IPCEF1: variants seen among roughly 807,000 people sequenced by gnomAD.
IPCEF1 encodes interaction protein for cytohesin exchange factors 1.
IPCEF1 carries 31 observed loss-of-function variants against 50.9 expected under a neutral mutation model. The ratio of observed to expected loss-of-function variants is 0.61; its 90% CI spans 0.46 to 0.82. IPCEF1 has a LOEUF of 0.82. Ranked by LOEUF, IPCEF1 falls within the 40% of genes least tolerant of loss-of-function variation. The pLI, the probability that IPCEF1 is intolerant of heterozygous loss-of-function variation, is 0.00. For synonymous variants in IPCEF1, 181 were observed against 192.0 expected, an observed-to-expected ratio of 0.94 and a Z score of 0.47; for missense variants, 458 against 514.0, an observed-to-expected ratio of 0.89 and a Z score of 1.05.
intron 10 of IPCEF1, among the ~76,000 whole-genome samples, chr6:154,185,139 C>T (rs1475375894): frequency 1.3e-5 from 2 of 152,158 alleles, no homozygotes; most frequent in Non-Finnish European, 2.9e-5. Context: ...TTATTGTCCC[C>T]TGAGCCTCTT....
At chr6:154,228,169 A>G (rs1779417585) in intron 5 of IPCEF1, among the ~76,000 whole-genome samples, 1 of 151,876 alleles carries the variant, frequency 6.6e-6, no homozygotes. Context: ...ACTTTCTAAA[A>G]AGTTTCCTGC....
intron 3 of IPCEF1, among the ~76,000 whole-genome samples, chr6:154,265,706 T>C (rs1488569077): frequency 6.6e-6 from 1 of 152,196 alleles, no homozygotes; most frequent in Non-Finnish European, 1.5e-5. Context: ...GGTATGCAGC[T>C]TAAACTTTAA....
In IPCEF1 at chr6:154,157,185, T is replaced by A. The variant is rs1435004905; in HGVS notation, c.*2643A>T. 6.6e-6 allele frequency: 1 copy of A among 152,274 alleles called. No individual in the cohort carries two copies. The highest frequency in any genetic ancestry group is 1.5e-5 in the Non-Finnish European group (1 of 68,078). The allele number at this position is 152,274 out of a possible 1,614,324, so 9.4% of individuals were successfully genotyped here. On this transcript the variant is annotated 3_prime_UTR_variant, in exon 12 of 12. Coordinates refer to ENST00000367220, the MANE Select transcript of IPCEF1 (RefSeq NM_001130700.2). Reference sequence around the variant, plus strand: ...GAGAGAAGCCCATGTCTTCCTACATTAAGTGTCACGGAAAGTGTCACCCAC... The same window carrying A: ...GAGAGAAGCCCATGTCTTCCTACATAAAGTGTCACGGAAAGTGTCACCCAC...
At position 154,331,198 on chromosome 6, in the gene IPCEF1, T is replaced by C. The variant is rs138982906; in HGVS notation, c.-62+25474A>G. ...AGGAGAATTCCTTGAACCCGGGAAG[T>C]GGAGGCTGCAGTAAGCTGAGGGTCA... On this transcript the variant is annotated intron_variant, in intron 1 of 11. Coordinates refer to ENST00000367220, the MANE Select transcript of IPCEF1 (RefSeq NM_001130700.2). 5.9e-3 allele frequency among the ~76,000 whole-genome samples: 897 copies of C among 151,582 alleles called. 6 individuals carry two copies. The highest frequency in any genetic ancestry group is 0.02 in the African/African-American group (831 of 41,252).
chr6:154,158,627 T>C lies in IPCEF1; in HGVS notation c.*1201A>G, dbSNP rs2128545134. The stretch of plus-strand genomic sequence containing the variant: ...AATTATGAATGCATGCCCCATTTTT[T>C]TCCCACAAGATTTCCTGAGCATTCC... On this transcript the variant is annotated 3_prime_UTR_variant, in exon 12 of 12. Coordinates refer to ENST00000367220, the MANE Select transcript of IPCEF1 (RefSeq NM_001130700.2). 1 of 152,324 alleles carries C rather than the reference T, an allele frequency of 6.6e-6. No individual in the cohort carries two copies. Among genetic ancestry groups the C allele is most frequent in the Non-Finnish European group, 1.5e-5 (1 of 68,024 alleles). 9.4% of individuals were successfully genotyped at this position (152,324 alleles called of 1,614,324 possible).
At chr6:154,240,606 A>G (rs746582152) in intron 5 of IPCEF1, among the ~76,000 whole-genome samples, 3 of 152,180 alleles carry the variant, frequency 2.0e-5, no homozygotes, top group African/African-American at 4.8e-5. Context: ...TTCAAGTAAC[A>G]TTTTCTACAT....
At chr6:154,286,692 G>T (rs74883587) in intron 2 of IPCEF1, among the ~76,000 whole-genome samples, 5 of 152,238 alleles carry the variant, frequency 3.3e-5, no homozygotes, top group Non-Finnish European at 7.3e-5. Flanking sequence ...GGAGAGCAGT[G>T]TGATGGAAGA....
intron 3 of IPCEF1, among the ~76,000 whole-genome samples, chr6:154,257,771 T>C (rs1187793186): frequency 2.6e-5 from 4 of 152,188 alleles, no homozygotes; most frequent in Admixed American, 2.6e-4. Flanking sequence ...AGGATCATGG[T>C]TCGCTGCAAT....
intron 9 of IPCEF1, among the ~76,000 whole-genome samples, chr6:154,211,444 T>C: frequency 6.6e-6 from 1 of 150,908 alleles, no homozygotes. Context: ...GAAAAGCATG[T>C]CCTATAAAGC....
At chr6:154,201,856 T>C (rs1469677178) in intron 9 of IPCEF1, among the ~76,000 whole-genome samples, 2 of 152,082 alleles carry the variant, frequency 1.3e-5, no homozygotes, top group Non-Finnish European at 2.9e-5. Context: ...GATCACATGA[T>C]TGTACTCCAG....
intron 5 of IPCEF1, among the ~76,000 whole-genome samples, chr6:154,226,319 G>A (rs1779247210): frequency 6.6e-6 from 1 of 152,140 alleles, no homozygotes; most frequent in Admixed American, 6.5e-5. Flanking sequence ...CAACTGCCTA[G>A]TAAGCCTATT....
chr6:154,316,103 C>T (rs924282237), intron 1 of IPCEF1, among the ~76,000 whole-genome samples: 1 of 152,160 alleles, frequency 6.6e-6, no homozygotes, highest in Non-Finnish European at 1.5e-5. Context: ...AGCAATCTGC[C>T]TGCCTCAGCC....
chr6:154,219,322 G>A (rs2128613962), intron 7 of IPCEF1: 1 of 152,414 alleles, frequency 6.6e-6, no homozygotes, highest in East Asian at 1.9e-4. Flanking sequence ...TCTTGCTGGA[G>A]AGAGGAAAAC....
intron 2 of IPCEF1, among the ~76,000 whole-genome samples, chr6:154,280,901 T>C (rs1033061032): frequency 2.6e-5 from 4 of 152,182 alleles, no homozygotes; most frequent in African/African-American, 9.7e-5. Flanking sequence ...AAAAGTCATT[T>C]TGAAAAGTGA....
rs796429037 is a variant in IPCEF1, at chr6:154,164,647, A to AAAC, written c.1104+3272_1104+3273insGTT. ...CTTTCAGTTTTTACTCCAAATAGTCAGTGTGTGGCTCGACTCAAGACCTAA... is the reference window on the plus strand; with the variant it reads ...CTTTCAGTTTTTACTCCAAATAGTCAAACGTGTGTGGCTCGACTCAAGACCTAA... On this transcript the variant is annotated intron_variant, in intron 11 of 11. Coordinates refer to ENST00000367220, the MANE Select transcript of IPCEF1 (RefSeq NM_001130700.2). 9.2e-5 allele frequency among the ~76,000 whole-genome samples: 14 copies of AAAC among 152,326 alleles called. No individual in the cohort carries two copies. In the South Asian group the frequency reaches 2.9e-3, roughly 32 times the overall value.
intron 1 of IPCEF1, among the ~76,000 whole-genome samples, chr6:154,342,969 A>G (rs1031077399): frequency 1.3e-5 from 2 of 152,096 alleles, no homozygotes; most frequent in Non-Finnish European, 2.9e-5. Flanking sequence ...CAAGAAAACT[A>G]GTAAGGCTTG....
At chr6:154,187,993 T>G (rs1801533388) in intron 10 of IPCEF1, among the ~76,000 whole-genome samples, 1 of 152,208 alleles carries the variant, frequency 6.6e-6, no homozygotes, top group Non-Finnish European at 1.5e-5. Context: ...TGATTGCCAT[T>G]TCTATCAGCA....
intron 1 of IPCEF1, among the ~76,000 whole-genome samples, chr6:154,333,931 A>G (rs2128694819): frequency 6.6e-6 from 1 of 152,282 alleles, no homozygotes; most frequent in East Asian, 1.9e-4. Flanking sequence ...ATTAGGAGAG[A>G]GAAATAAATA....
intron 5 of IPCEF1, among the ~76,000 whole-genome samples, chr6:154,238,079 T>C (rs917450113): frequency 5.9e-5 from 9 of 152,214 alleles, no homozygotes; most frequent in East Asian, 1.9e-4. Context: ...AGAAATGATG[T>C]TGTGGATATA....
Sources: allele counts gnomAD v4.1 joint callset (sites outside exome capture counted in the v4.1 genomes callset), GRCh38; gene constraint gnomAD v4.1.1; transcripts MANE v1.5; gene names NCBI Gene and HGNC (gene_info 2026-07-23, HGNC 2026-07-21).